The following CTRC variants were observed in gnomAD, a reference collection of about 807,000 sequenced individuals.
CTRC encodes chymotrypsin C.
Under a neutral mutation model 35.7 loss-of-function variants are expected in CTRC, and 32 were observed. That is an observed-to-expected ratio of 0.90 (90% confidence interval 0.68 to 1.20). The LOEUF (loss-of-function observed/expected upper bound fraction) is 1.20, where lower values mean the gene tolerates loss of function less well. Ranked by LOEUF, CTRC falls within the 50% of genes most tolerant of loss-of-function variation. The pLI is 0.00. For missense variants in CTRC, 324 were observed against 361.5 expected (o/e 0.90, Z 0.84); for synonymous variants, 119 against 149.5 (o/e 0.80, Z 1.49).
intron 4 of CTRC, 23 bp from the exon 5 acceptor site, chr1:15,443,396 A>G (rs1272998595): frequency 1.9e-6 from 3 of 1,613,894 alleles, no homozygotes; most frequent in East Asian, 2.2e-5. Context: ...CTGCCCACTC[A>G]CCCTCTCCAC....
At chr1:15,440,226 G>GGGGGCCCCCCC in intron 1 of CTRC, 74 bp from the exon 2 acceptor site, 3 of 523,580 alleles carry the variant, frequency 5.7e-6, no homozygotes, top group East Asian at 3.8e-5. Context: ...TCTTCCACCT[G>GGGGGCCCCCCC]CCCACCCTCC....
chr1:15,443,800 TAGTA>T (rs1009074999), intron 5 of CTRC, among the ~76,000 whole-genome samples: 13 of 152,272 alleles, frequency 8.5e-5, no homozygotes, highest in African/African-American at 2.6e-4. Context: ...ACTTGGCACA[TAGTA>T]AGTGTCACAT....
chr1:15,438,590 C>T, intron 1 of CTRC, 86 bp downstream of exon 1: 3 of 1,471,728 alleles, frequency 2.0e-6, no homozygotes, highest in Non-Finnish European at 2.8e-6. Context: ...GTGGGGGGGC[C>T]TCTGCTCTCC....
chr1:15,445,339 G>T (rs927702767), intron 6 of CTRC, among the ~76,000 whole-genome samples: 2 of 152,226 alleles, frequency 1.3e-5, no homozygotes, highest in South Asian at 4.2e-4. Context: ...ACTGAGGCAC[G>T]GAGAGGATTA....
intron 3 of CTRC, among the ~76,000 whole-genome samples, chr1:15,442,212 C>G (rs902845556): frequency 6.6e-6 from 1 of 152,122 alleles, no homozygotes; most frequent in Non-Finnish European, 1.5e-5. Flanking sequence ...TTGCCTCCCC[C>G]TTACAGATGA....
In CTRC at chr1:15,444,650, G is replaced by T. The variant is rs780050276; in HGVS notation, c.538G>T (p.Val180Leu). The T allele has an allele frequency of 6.2e-7, 1 of 1,614,218 alleles. No homozygotes were observed. Among genetic ancestry groups the T allele is most frequent in the South Asian group, 1.1e-5 (1 of 91,086 alleles). Reference protein sequence around the residue: ...ADKLQQGLQPVVDHATCSRID... With the variant: ...ADKLQQGLQPLVDHATCSRID... ...TAAGCTGCAGCAGGGCCTGCAGCCC[G>T]TGGTGGATCACGCCACGTGCTCCAG... The change falls in exon 6 of 8, where the codon GTG becomes TTG. Residue 180 changes from valine (V) to leucine (L), a missense_variant. Coordinates refer to ENST00000375949, the MANE Select transcript of CTRC (RefSeq NM_007272.3).
At chr1:15,442,624 G>A (rs373603842) in intron 4 of CTRC, 52 bp downstream of exon 4, 1 of 1,611,404 alleles carries the variant, frequency 6.2e-7, no homozygotes, top group African/African-American at 1.3e-5. Context: ...GTGGAAGGAG[G>A]GGTCCCCAAG....
chr1:15,441,072 C>A (rs139026984), intron 3 of CTRC, among the ~76,000 whole-genome samples: 1 of 151,950 alleles, frequency 6.6e-6, no homozygotes, highest in African/African-American at 2.4e-5. Flanking sequence ...CCCAGCTACT[C>A]GGGAGGCTGA....
Position 15,447,033 on chromosome 1 carries a change from G to A in CTRC, c.*444G>A, listed in dbSNP as rs1708232879. 3 of 319,604 alleles carry A rather than the reference G, an allele frequency of 9.4e-6. No individual in the cohort carries two copies. Among genetic ancestry groups the A allele is most frequent in the South Asian group, 7.9e-5 (3 of 37,776 alleles). The allele number at this position is 319,604 out of a possible 1,614,324, so 19.8% of individuals were successfully genotyped here. A position where few individuals can be genotyped will look rare whatever the true frequency, so the allele number is the denominator to read the frequency against. The stretch of plus-strand genomic sequence containing the variant: ...TCCTCACAGCCCCCCAGCAGCAGGT[G>A]GAAGACAGGGTCTCCCCAAAAGCAG... On this transcript the variant is annotated 3_prime_UTR_variant, in exon 8 of 8. Coordinates refer to ENST00000375949, the MANE Select transcript of CTRC (RefSeq NM_007272.3).
chr1:15,444,944 G>A (rs1708194592), intron 6 of CTRC, among the ~76,000 whole-genome samples, 193 bp downstream of exon 6: 1 of 152,138 alleles, frequency 6.6e-6, no homozygotes, highest in Non-Finnish European at 1.5e-5. Context: ...ACGAGTATCT[G>A]AGTTCAAGCC....
Position 15,445,761 on chromosome 1 carries a change from C to A in CTRC, c.792+12C>A, listed in dbSNP as rs371799801. 1.2e-4 allele frequency: 193 copies of A among 1,613,828 alleles called. No homozygotes were observed. Among genetic ancestry groups the A allele is most frequent in the Non-Finnish European group, 1.6e-4 (192 of 1,180,040 alleles). On this transcript the variant is annotated intron_variant, in intron 7 of 7. Coordinates refer to ENST00000375949, the MANE Select transcript of CTRC (RefSeq NM_007272.3). The stretch of plus-strand genomic sequence containing the variant: ...ACTGGATCAACGAGGTGGGTGCTGC[C>A]TCCACAGCTGTCCCTGCACCTGTCA...
chr1:15,440,039 G>A (rs1468612829), intron 1 of CTRC, among the ~76,000 whole-genome samples: 2 of 152,202 alleles, frequency 1.3e-5, no homozygotes, highest in Non-Finnish European at 2.9e-5. Flanking sequence ...ACCGTGCCCG[G>A]CCAAACGCTT....
chr1:15,443,438 A>T lies in CTRC; in HGVS notation c.376A>T (p.Lys126Ter), dbSNP rs1168572368. 1 of 1,614,140 alleles carries T rather than the reference A, an allele frequency of 6.2e-7. No individual in the cohort carries two copies. The change falls in exon 5 of 8, where the codon AAG (lysine) becomes TAG (stop). Residue 126 changes from lysine (K) to a stop codon, truncating the protein, a stop_gained. Transcript: ENST00000375949. LOFTEE classifies it high-confidence loss of function. ...TTCCAGCAATGATATTGCCCTCATC[A>T]AGCTTGCAGAGCATGTGGAGCTGAG... ...LLLRNDIALI[K>*]LAEHVELSDT...
Position 15,443,529 on chromosome 1 carries a change from A to G in CTRC, c.467A>G (p.Tyr156Cys). The G allele has an allele frequency of 1.9e-6, 3 of 1,614,182 alleles. No homozygotes were observed. Among genetic ancestry groups the G allele is most frequent in the Non-Finnish European group, 1.7e-6 (2 of 1,180,036 alleles). ...CTGCTCCCCAAGGACTACCCCTGCT[A>G]TGTCACCGGCTGGGGCCGCCTCTGG... ...DSLLPKDYPC[Y>C]VTGWGRLWTN... The change falls in exon 5 of 8, where the codon TAT (tyrosine) becomes TGT (cysteine). Residue 156 changes from tyrosine (Y) to cysteine (C), a missense_variant. Physicochemically the swap from Tyr to Cys is radical, Grantham distance 194. Coordinates refer to ENST00000375949, the MANE Select transcript of CTRC (RefSeq NM_007272.3).
intron 7 of CTRC, among the ~76,000 whole-genome samples, 194 bp downstream of exon 7, chr1:15,445,943 TATTCATTCACTCATGC>T (rs1163527101): frequency 3.6e-5 from 5 of 138,250 alleles, no homozygotes; most frequent in Non-Finnish European, 6.1e-5. Context: ...TTTATTCATT[TATTCATTCACTCATGC>T]ATTCATTCAT....
In CTRC at chr1:15,444,593, ACT is replaced by A. The variant is rs1470801839; in HGVS notation, c.494-7_494-6del. 2 of 1,612,972 alleles carry A rather than the reference ACT, an allele frequency of 1.2e-6. No individual in the cohort carries two copies. The highest frequency in any genetic ancestry group is 1.7e-5 in the Admixed American group (1 of 59,930). On this transcript the variant is annotated splice_polypyrimidine_tract_variant and intron_variant, in intron 5 of 7. Coordinates refer to ENST00000375949, the MANE Select transcript of CTRC (RefSeq NM_007272.3). The stretch of plus-strand genomic sequence containing the variant: ...CCGGCTGCCTCCCTGGTCACTGCTC[ACT>A]CTCTCCCCAGCCAACGGCCCCATTG...
At chr1:15,441,532 G>T (rs1184158726) in intron 3 of CTRC, among the ~76,000 whole-genome samples, 1 of 152,104 alleles carries the variant, frequency 6.6e-6, no homozygotes, top group Non-Finnish European at 1.5e-5. Flanking sequence ...TCAGTATCAG[G>T]ACCTTGGCTT....
chr1:15,445,841 T>TTCATTCATTCATTTATTCAC, intron 7 of CTRC, 92 bp downstream of exon 7: 2 of 1,424,514 alleles, frequency 1.4e-6, no homozygotes, highest in East Asian at 4.6e-5. Context: ...CATGCGTTTA[T>TTCATTCATTCATTTATTCAC]TCATTCATTC....
chr1:15,440,773 C>A (rs1184005689), intron 3 of CTRC, among the ~76,000 whole-genome samples, 183 bp downstream of exon 3: 1 of 152,190 alleles, frequency 6.6e-6, no homozygotes, highest in African/African-American at 2.4e-5. Context: ...GTGCCAGGAA[C>A]CAGCAGTGAA....
Sources: gnomAD v4.1 joint callset for allele counts (sites outside exome capture counted in the v4.1 genomes callset) on GRCh38, gnomAD v4.1.1 for gene constraint, MANE v1.5 for transcripts, NCBI Gene and HGNC (gene_info 2026-07-23, HGNC 2026-07-21) for gene names.